Variants in TRPC4 observed in about 807,000 individuals in gnomAD.
TRPC4 encodes transient receptor potential cation channel subfamily C member 4.
A neutral mutation model predicts 99.4 loss-of-function variants in TRPC4; 49 were observed. That is an observed-to-expected ratio of 0.49 (90% CI 0.39 to 0.63). The LOEUF is 0.63. Among genes scored for constraint, TRPC4 ranks in the 20% least tolerant of loss-of-function variants. The probability of loss-of-function intolerance (pLI) is 0.00; values close to 1 mark genes in which losing one functional copy is unlikely to be tolerated. For missense variants in TRPC4, 898 were observed against 1,152.9 expected (o/e 0.78, Z 3.20); for synonymous variants, 454 against 425.9 (o/e 1.07, Z -0.81).
chr13:37,868,987 C>T (rs1412588038), intron 1 of TRPC4, among the ~76,000 whole-genome samples: 1 of 152,092 alleles, frequency 6.6e-6, no homozygotes, highest in Non-Finnish European at 1.5e-5. Context: ...GCTTCATTGG[C>T]TTCATTGGAA....
At chr13:37,726,193 C>A (rs78325229) in intron 3 of TRPC4, among the ~76,000 whole-genome samples, 6 of 150,124 alleles carry the variant, frequency 4.0e-5, no homozygotes, top group African/African-American at 1.5e-4. Flanking sequence ...GAGACACCGT[C>A]CCCCCCCAAA....
At chr13:37,865,232 T>G (rs925277749) in intron 1 of TRPC4, among the ~76,000 whole-genome samples, 4 of 151,740 alleles carry the variant, frequency 2.6e-5, no homozygotes, top group African/African-American at 9.6e-5. Flanking sequence ...CAGGGAAAAC[T>G]AAAACAAATA....
chr13:37,742,860 G>A (rs543484640), intron 3 of TRPC4, among the ~76,000 whole-genome samples: 3 of 152,036 alleles, frequency 2.0e-5, no homozygotes, highest in South Asian at 2.1e-4. Context: ...GAATACATGC[G>A]GTAAAACACA....
intron 4 of TRPC4, among the ~76,000 whole-genome samples, chr13:37,680,297 A>T (rs1014625112): frequency 2.6e-5 from 4 of 152,204 alleles, no homozygotes; most frequent in African/African-American, 9.7e-5. Flanking sequence ...TAGCAAATGC[A>T]TTTCAAGTTA....
chr13:37,705,521 C>A (rs1403132269), intron 3 of TRPC4, among the ~76,000 whole-genome samples: 1 of 151,998 alleles, frequency 6.6e-6, no homozygotes, highest in African/African-American at 2.4e-5. Context: ...ATAATGTATG[C>A]ACATTTCAAA....
At chr13:37,687,098 G>T (rs566258320) in intron 4 of TRPC4, among the ~76,000 whole-genome samples, 2 of 151,986 alleles carry the variant, frequency 1.3e-5, no homozygotes, top group East Asian at 3.9e-4. Context: ...CCGAGTAGCT[G>T]GGACTACATG....
intron 4 of TRPC4, among the ~76,000 whole-genome samples, chr13:37,687,323 A>G (rs1953517103): frequency 6.6e-6 from 1 of 152,142 alleles, no homozygotes; most frequent in Admixed American, 6.5e-5. Flanking sequence ...TACTAAGCTA[A>G]TTACATAAGT....
intron 3 of TRPC4, among the ~76,000 whole-genome samples, chr13:37,713,722 A>C (rs1276229428): frequency 6.6e-6 from 1 of 152,176 alleles, no homozygotes; most frequent in Non-Finnish European, 1.5e-5. Flanking sequence ...TCCCTCAAAA[A>C]ACCCATGGAT....
At chr13:37,725,082 A>C (rs560920135) in intron 3 of TRPC4, among the ~76,000 whole-genome samples, 1 of 152,166 alleles carries the variant, frequency 6.6e-6, no homozygotes, top group Non-Finnish European at 1.5e-5. Flanking sequence ...AGAAACAAAA[A>C]ATAAATTCTA....
intron 1 of TRPC4, among the ~76,000 whole-genome samples, chr13:37,815,935 TA>T (rs1175246393): frequency 6.6e-6 from 1 of 150,718 alleles, no homozygotes; most frequent in African/African-American, 2.4e-5. Flanking sequence ...CACAGCACAA[TA>T]AAAATATAAA....
chr13:37,810,389 A>G (rs1445954611), intron 1 of TRPC4, among the ~76,000 whole-genome samples: 1 of 152,090 alleles, frequency 6.6e-6, no homozygotes, highest in Non-Finnish European at 1.5e-5. Context: ...ATAGGCATAT[A>G]TCATTATGAC....
chr13:37,765,360 T>C (rs1372738502), intron 2 of TRPC4, among the ~76,000 whole-genome samples: 1 of 151,448 alleles, frequency 6.6e-6, no homozygotes, highest in Non-Finnish European at 1.5e-5. Flanking sequence ...CTTTATAGTC[T>C]TGTTCATGTG....
At chr13:37,684,454 C>A (rs1313206147) in intron 4 of TRPC4, among the ~76,000 whole-genome samples, 3 of 152,078 alleles carry the variant, frequency 2.0e-5, no homozygotes, top group Non-Finnish European at 4.4e-5. Context: ...GATAGCTTAT[C>A]ACCTAAAAAT....
At chr13:37,663,798 C>G in intron 5 of TRPC4, 69 bp from the exon 6 acceptor site, 1 of 1,350,872 alleles carries the variant, frequency 7.4e-7, no homozygotes, top group Non-Finnish European at 1.0e-6. Flanking sequence ...AAGGTCAGAC[C>G]CAGAAGGAAA....
intron 8 of TRPC4, among the ~76,000 whole-genome samples, chr13:37,644,954 G>C (rs1454620726): frequency 6.6e-6 from 1 of 150,510 alleles, no homozygotes; most frequent in East Asian, 1.9e-4. Flanking sequence ...GATTGGTTGT[G>C]AGTTGTGTTT....
chr13:37,752,211 G>C (rs1955954019), intron 2 of TRPC4, among the ~76,000 whole-genome samples: 1 of 150,778 alleles, frequency 6.6e-6, no homozygotes, highest in Non-Finnish European at 1.5e-5. Context: ...ATACGGTACT[G>C]TGCAACATTT....
chr13:37,708,715 A>G (rs1954373642), intron 3 of TRPC4, among the ~76,000 whole-genome samples: 1 of 148,556 alleles, frequency 6.7e-6, no homozygotes, highest in African/African-American at 2.4e-5. Context: ...GTTTATATAT[A>G]CATATATAAC....
chr13:37,751,572 T>C (rs1185303470), intron 2 of TRPC4, among the ~76,000 whole-genome samples: 3 of 152,066 alleles, frequency 2.0e-5, no homozygotes, highest in Non-Finnish European at 4.4e-5. Context: ...GATCTTCAGT[T>C]CTTTCCCTCC....
At chr13:37,808,937 C>T (rs1462731981) in intron 1 of TRPC4, among the ~76,000 whole-genome samples, 1 of 152,130 alleles carries the variant, frequency 6.6e-6, no homozygotes, top group East Asian at 1.9e-4. Flanking sequence ...GAAATTCCTA[C>T]ATCATAGTGG....
Sources: allele counts gnomAD v4.1 joint callset (sites outside exome capture counted in the v4.1 genomes callset), GRCh38; gene constraint gnomAD v4.1.1; transcripts MANE v1.5; gene names NCBI Gene and HGNC (gene_info 2026-07-23, HGNC 2026-07-21).